The following TEAD1 variants were observed in gnomAD, a reference collection of about 807,000 sequenced individuals.
TEAD1 encodes the protein transcriptional enhancer factor TEF-1.
TEAD1 carries 9 observed loss-of-function variants against 54.9 expected under a neutral mutation model. That is an observed-to-expected ratio of 0.16 (90% CI 0.10 to 0.29). The LOEUF (loss-of-function observed/expected upper bound fraction) is 0.29. TEAD1 is among the 10% of genes least tolerant of loss of function. The probability of loss-of-function intolerance (pLI) is 1.00; values close to 1 mark genes in which losing one functional copy is unlikely to be tolerated. For synonymous variants in TEAD1, 200 were observed against 187.8 expected, an observed-to-expected ratio of 1.07 and a Z score of -0.53; for missense variants, 387 against 535.9, an observed-to-expected ratio of 0.72 and a Z score of 2.74.
intron 2 of TEAD1, among the ~76,000 whole-genome samples, chr11:12,722,025 A>C (rs1263441327): frequency 7.9e-5 from 12 of 152,240 alleles, no homozygotes; most frequent in Non-Finnish European, 1.5e-4. Context: ...GGTTGGTGCC[A>C]GTTGTCTGAG....
chr11:12,864,426 C>G (rs1267358595), intron 4 of TEAD1, among the ~76,000 whole-genome samples: 1 of 152,128 alleles, frequency 6.6e-6, no homozygotes, highest in Non-Finnish European at 1.5e-5. Flanking sequence ...TAAGATGAGT[C>G]TTAACTTTCA....
chr11:12,710,841 A>T (rs1943921524), intron 2 of TEAD1, among the ~76,000 whole-genome samples: 1 of 151,992 alleles, frequency 6.6e-6, no homozygotes, highest in African/African-American at 2.4e-5. Context: ...CTTCAGGAGG[A>T]GGAATGATGG....
At chr11:12,853,363 T>C (rs1039172790) in intron 3 of TEAD1, among the ~76,000 whole-genome samples, 1 of 152,204 alleles carries the variant, frequency 6.6e-6, no homozygotes, top group African/African-American at 2.4e-5. Context: ...AACACCATAC[T>C]AAAGCAGTTT....
intron 3 of TEAD1, among the ~76,000 whole-genome samples, chr11:12,856,939 G>T (rs1947395802): frequency 6.6e-6 from 1 of 152,190 alleles, no homozygotes; most frequent in Non-Finnish European, 1.5e-5. Flanking sequence ...AAGCTTGAGT[G>T]TCTCTGGGCT....
chr11:12,913,588 T>G (rs1948656351), intron 10 of TEAD1, among the ~76,000 whole-genome samples: 1 of 151,398 alleles, frequency 6.6e-6, no homozygotes, highest in African/African-American at 2.4e-5. Context: ...AGTCTCAGTT[T>G]TTATTCTCTG....
chr11:12,904,025 G>C (rs1054357315), intron 10 of TEAD1, among the ~76,000 whole-genome samples: 1 of 152,186 alleles, frequency 6.6e-6, no homozygotes, highest in African/African-American at 2.4e-5. Context: ...CCCCTAGGGA[G>C]TTCCTTGATA....
intron 3 of TEAD1, among the ~76,000 whole-genome samples, chr11:12,820,528 T>A (rs1206810784): frequency 6.6e-6 from 1 of 152,182 alleles, no homozygotes; most frequent in African/African-American, 2.4e-5. Context: ...AGATCAGTTG[T>A]CTACGTTGGT....
chr11:12,762,859 A>G (rs1295263685), intron 2 of TEAD1, among the ~76,000 whole-genome samples: 2 of 152,180 alleles, frequency 1.3e-5, no homozygotes, highest in African/African-American at 4.8e-5. Context: ...GCCCTGGAAT[A>G]TGGAGCAGTC....
intron 4 of TEAD1, among the ~76,000 whole-genome samples, chr11:12,863,601 T>C (rs1328221627): frequency 6.6e-6 from 1 of 152,136 alleles, no homozygotes; most frequent in Non-Finnish European, 1.5e-5. Flanking sequence ...GAGTTGGAAA[T>C]GGGGTAATCA....
intron 10 of TEAD1, among the ~76,000 whole-genome samples, 162 bp from the exon 11 acceptor site, chr11:12,924,750 A>AATT (rs1948878581): frequency 6.6e-6 from 1 of 152,204 alleles, no homozygotes; most frequent in Non-Finnish European, 1.5e-5. Flanking sequence ...AACTCTTTAA[A>AATT]AAACGACAGA....
chr11:12,772,933 G>A (rs939944713), intron 3 of TEAD1, among the ~76,000 whole-genome samples: 3 of 152,100 alleles, frequency 2.0e-5, no homozygotes, highest in African/African-American at 4.8e-5. Flanking sequence ...CACAGGACCC[G>A]GGTTGCCCTT....
At chr11:12,915,770 GA>G (rs1439464849) in intron 10 of TEAD1, among the ~76,000 whole-genome samples, 1 of 152,196 alleles carries the variant, frequency 6.6e-6, no homozygotes, top group African/African-American at 2.4e-5. Flanking sequence ...CTTGAACCCA[GA>G]AGGTCGAGGT....
intron 3 of TEAD1, among the ~76,000 whole-genome samples, chr11:12,789,338 T>C (rs1462776063): frequency 1.3e-5 from 2 of 152,230 alleles, no homozygotes; most frequent in Non-Finnish European, 2.9e-5. Context: ...GTCATTCTTA[T>C]TGGCATTGCT....
intron 3 of TEAD1, among the ~76,000 whole-genome samples, chr11:12,831,375 T>G (rs1016755533): frequency 6.6e-6 from 1 of 152,190 alleles, no homozygotes; most frequent in African/African-American, 2.4e-5. Context: ...AGATCTGCCT[T>G]GTTTGCCATT....
At chr11:12,936,891 A>G (rs1183096755) in intron 12 of TEAD1, among the ~76,000 whole-genome samples, 3 of 152,162 alleles carry the variant, frequency 2.0e-5, no homozygotes, top group Admixed American at 6.6e-5. Context: ...GAGTGACCCT[A>G]TCTAGAAGGT....
intron 3 of TEAD1, among the ~76,000 whole-genome samples, chr11:12,784,409 A>G (rs1017109270): frequency 6.6e-6 from 1 of 152,194 alleles, no homozygotes; most frequent in African/African-American, 2.4e-5. Flanking sequence ...GGAAAACATC[A>G]TCACAGGGTT....
At chr11:12,694,582 T>C (rs970916422) in intron 2 of TEAD1, among the ~76,000 whole-genome samples, 2 of 152,208 alleles carry the variant, frequency 1.3e-5, no homozygotes, top group African/African-American at 4.8e-5. Flanking sequence ...GCCCACTTTG[T>C]GTACGTACCC....
At position 12,764,419 on chromosome 11, in the gene TEAD1, G is replaced by A; in HGVS notation, c.187G>A (p.Glu63Lys). 6.2e-7 allele frequency: 1 copy of A among 1,614,110 alleles called. No homozygotes were observed. Among genetic ancestry groups the A allele is most frequent in the Non-Finnish European group, 8.5e-7 (1 of 1,180,008 alleles). Residue 63 changes from glutamate to lysine, a missense_variant, in exon 3 of 13, where the codon GAA (glutamate) becomes AAA (lysine). Transcript: ENST00000527636. ...GAGGAGGAAAATCATCTTATCAGAC[G>A]AAGGCAAAATGTATGGTAAGTGGCC...
intron 10 of TEAD1, among the ~76,000 whole-genome samples, chr11:12,919,637 G>T (rs1394905024): frequency 6.6e-6 from 1 of 151,544 alleles, no homozygotes; most frequent in Non-Finnish European, 1.5e-5. Context: ...GGGACTACAG[G>T]CACATGCCAC....
Sources: gnomAD v4.1 joint callset for allele counts (sites outside exome capture counted in the v4.1 genomes callset) on GRCh38, gnomAD v4.1.1 for gene constraint, MANE v1.5 for transcripts, NCBI Gene and HGNC (gene_info 2026-07-23, HGNC 2026-07-21) for gene names.